OCA2: variants seen among roughly 807,000 people sequenced by gnomAD.
The protein encoded by OCA2 is P protein.
Under a neutral mutation model 100.2 loss-of-function variants are expected in OCA2, and 77 were observed. The observed-to-expected ratio is 0.77, with a 90% CI of 0.64 to 0.93. The LOEUF is 0.93. OCA2 is among the 40% of genes least tolerant of loss of function. The pLI, the probability that OCA2 is intolerant of heterozygous loss-of-function variation, is 0.00. For missense variants in OCA2, 1,062 were observed against 1,089.1 expected, an observed-to-expected ratio of 0.98 and a Z score of 0.35; for synonymous variants, 432 against 439.2, an observed-to-expected ratio of 0.98 and a Z score of 0.21.
At chr15:27,792,660 G>A (rs2033141045) in intron 23 of OCA2, among the ~76,000 whole-genome samples, 2 of 152,158 alleles carry the variant, frequency 1.3e-5, no homozygotes. Flanking sequence ...CTGCACCCCA[G>A]CATTCCCGGG....
chr15:27,745,080 G>A, the OCA2 span, among the ~76,000 whole-genome samples: 1 of 152,206 alleles, frequency 6.6e-6, no homozygotes, highest in African/African-American at 2.4e-5. Flanking sequence ...CCGACCCCCA[G>A]AGAGGGTTCT....
chr15:27,770,868 TC>T (rs2031733570), intron 23 of OCA2, among the ~76,000 whole-genome samples: 1 of 90,692 alleles, frequency 1.1e-5, no homozygotes, highest in African/African-American at 5.3e-5. Context: ...CTTCCTTCCT[TC>T]CCTCCTTCCT....
intron 2 of OCA2, among the ~76,000 whole-genome samples, chr15:28,072,975 T>A (rs2044312662): frequency 6.6e-6 from 1 of 152,170 alleles, no homozygotes; most frequent in African/African-American, 2.4e-5. Context: ...AAAATCATTC[T>A]ACCAAAAATT....
At chr15:27,956,099 C>G (rs1331376600) in intron 16 of OCA2, among the ~76,000 whole-genome samples, 1 of 152,094 alleles carries the variant, frequency 6.6e-6, no homozygotes, top group African/African-American at 2.4e-5. Flanking sequence ...TCTATAATCC[C>G]AGTACTTTGG....
chr15:27,880,494 G>A (rs376713980), intron 19 of OCA2, among the ~76,000 whole-genome samples: 5 of 152,258 alleles, frequency 3.3e-5, no homozygotes, highest in East Asian at 3.9e-4. Flanking sequence ...CATGAACATG[G>A]TATGTTTTTC....
chr15:28,004,729 ACT>A (rs2042038515), intron 9 of OCA2, among the ~76,000 whole-genome samples: 1 of 151,776 alleles, frequency 6.6e-6, no homozygotes, highest in African/African-American at 2.4e-5. Flanking sequence ...ACAGAGTCAC[ACT>A]CTCACATGCA....
intron 1 of OCA2, among the ~76,000 whole-genome samples, chr15:28,094,600 C>A (rs923094386): frequency 3.3e-5 from 5 of 152,222 alleles, no homozygotes; most frequent in African/African-American, 1.2e-4. Flanking sequence ...GTCGGTGGAA[C>A]CTTCCAGTCC....
At chr15:27,743,254 T>A in the OCA2 span, among the ~76,000 whole-genome samples, 1 of 152,124 alleles carries the variant, frequency 6.6e-6, no homozygotes, top group African/African-American at 2.4e-5. Flanking sequence ...CGCATCCCAG[T>A]CTGCACGGCC....
rs149596814 is a variant in OCA2, at chr15:27,807,804, C to T, written c.2432+37155G>A. Among the ~76,000 whole-genome samples the T allele has an allele frequency of 6.7e-3, 1,025 of 152,324 alleles. 7 individuals carry two copies. Among genetic ancestry groups the T allele is most frequent in the Non-Finnish European group, 8.8e-3 (598 of 68,030 alleles). ...GCTCTCTAGAGCAAAAGTTTTCAAA[C>T]GTTTCTTTAATCTGGTTACATAACC... On this transcript the variant is annotated intron_variant, in intron 23 of 23. Coordinates refer to ENST00000354638, the MANE Select transcript of OCA2 (RefSeq NM_000275.3).
chr15:28,037,233 G>A lies in OCA2; in HGVS notation c.228-5070C>T, dbSNP rs148450399. Among the ~76,000 whole-genome samples, 916 of 151,840 alleles carry A rather than the reference G, an allele frequency of 6.0e-3. 9 individuals carry two copies. The highest frequency in any genetic ancestry group is 0.021 in the African/African-American group (861 of 41,398). On this transcript the variant is annotated intron_variant, in intron 2 of 23. Coordinates refer to ENST00000354638, the MANE Select transcript of OCA2 (RefSeq NM_000275.3). Reference sequence around the variant, plus strand: ...AAATCAAGACAGGGCCAGACTGGGAGTGGGACCAAAATAAATCAAGCAGAA... The same window carrying A: ...AAATCAAGACAGGGCCAGACTGGGAATGGGACCAAAATAAATCAAGCAGAA...
chr15:27,913,888 AAAGAAAGCAAGCAAGCAAGC>A (rs1447418654), intron 19 of OCA2, among the ~76,000 whole-genome samples: 16 of 57,348 alleles, frequency 2.8e-4, no homozygotes, highest in African/African-American at 1.1e-3. Flanking sequence ...AGAAAGAAAG[AAAGAAAGCAAGCAAGCAAGC>A]AAGCAAGCAA....
At chr15:27,883,663 G>A (rs2037113331) in intron 19 of OCA2, among the ~76,000 whole-genome samples, 1 of 152,088 alleles carries the variant, frequency 6.6e-6, no homozygotes, top group South Asian at 2.1e-4. Flanking sequence ...TTGAGAACCT[G>A]AACAGTCTCC....
intron 18 of OCA2, among the ~76,000 whole-genome samples, chr15:27,939,809 C>G (rs1208686611): frequency 3.9e-5 from 6 of 152,210 alleles, no homozygotes; most frequent in Non-Finnish European, 8.8e-5. Flanking sequence ...AGTGAATGAA[C>G]AAGCAGCTAA....
intron 14 of OCA2, among the ~76,000 whole-genome samples, chr15:27,972,125 T>C (rs1210154539): frequency 3.3e-5 from 5 of 152,216 alleles, no homozygotes; most frequent in African/African-American, 9.6e-5. Flanking sequence ...TCCAGTTCCA[T>C]CCAAGTTGCT....
At chr15:27,838,441 A>C (rs1159012154) in intron 23 of OCA2, among the ~76,000 whole-genome samples, 1 of 152,220 alleles carries the variant, frequency 6.6e-6, no homozygotes, top group African/African-American at 2.4e-5. Flanking sequence ...AATGGAAGCC[A>C]GGCCAGTGAG....
At chr15:27,753,897 C>G (rs1388955840), downstream of OCA2, among the ~76,000 whole-genome samples, 4 of 152,038 alleles carry the variant, frequency 2.6e-5, no homozygotes, top group Non-Finnish European at 5.9e-5. Flanking sequence ...CAGATGGGAG[C>G]TGAGCTGGAA....
chr15:27,741,295 C>G, the OCA2 span, among the ~76,000 whole-genome samples: 3 of 152,118 alleles, frequency 2.0e-5, no homozygotes, highest in African/African-American at 7.2e-5. Context: ...GAGACTGTAT[C>G]CAAAAGGAAC....
chr15:27,862,453 A>G (rs988546035), intron 21 of OCA2, among the ~76,000 whole-genome samples: 1 of 151,372 alleles, frequency 6.6e-6, no homozygotes, highest in African/African-American at 2.4e-5. Context: ...AAGAACTTTG[A>G]AAAAAAAGTA....
At chr15:27,818,423 T>C (rs1250836679) in intron 23 of OCA2, among the ~76,000 whole-genome samples, 1 of 152,152 alleles carries the variant, frequency 6.6e-6, no homozygotes, top group Non-Finnish European at 1.5e-5. Flanking sequence ...ACATTAAATA[T>C]CATCTCTATC....
Sources: gnomAD v4.1 joint callset for allele counts (sites outside exome capture counted in the v4.1 genomes callset) on GRCh38, gnomAD v4.1.1 for gene constraint, MANE v1.5 for transcripts, NCBI Gene and HGNC (gene_info 2026-07-23, HGNC 2026-07-21) for gene names.